Variants in PREPL observed in about 807,000 individuals in gnomAD.
The protein encoded by PREPL is prolyl endopeptidase like.
A neutral mutation model predicts 70.6 loss-of-function variants in PREPL; 77 were observed. That is an observed-to-expected ratio of 1.09 (90% confidence interval 0.91 to 1.32). PREPL has a LOEUF of 1.32. Ranked by LOEUF, PREPL falls within the 40% of genes most tolerant of loss-of-function variation. PREPL has a pLI of 0.00. For missense variants in PREPL, 1,002 were observed against 778.2 expected (o/e 1.29, Z -3.42); for synonymous variants, 315 against 264.8 (o/e 1.19, Z -1.84).
intron 5 of PREPL, among the ~76,000 whole-genome samples, chr2:44,341,482 C>T (rs533487759): frequency 6.6e-6 from 1 of 152,104 alleles, no homozygotes; most frequent in South Asian, 2.1e-4. Flanking sequence ...ACTTTCTTCG[C>T]TGTTTTTATA....
rs765064260 is a variant in PREPL, at chr2:44,318,718, A to G, written c.*2638T>C. The G allele has an allele frequency of 6.6e-6, 1 of 152,222 alleles. No individual in the cohort carries two copies. The highest frequency in any genetic ancestry group is 1.5e-5 in the Non-Finnish European group (1 of 68,032). The allele number at this position is 152,222 out of a possible 1,614,324, so 9.4% of individuals were successfully genotyped here. The stretch of plus-strand genomic sequence containing the variant: ...GAAAGGTGTTGAAGAAAACCTTTTT[A>G]TAGTATGTATTCTTGTAATTGAATA... On this transcript the variant is annotated 3_prime_UTR_variant, in exon 14 of 14. Transcript: ENST00000409411.
rs569391318 is a variant in PREPL at position 44,327,734 on chromosome 2, G to A, written c.1263-806C>T. ...AAAAATTAGCCAGGTGTGGTGGTGC[G>A]TGCCTATAAGCCCAACTACTCGGGA... On this transcript the variant is annotated intron_variant, in intron 9 of 13. Coordinates refer to ENST00000409411, the MANE Select transcript of PREPL (RefSeq NM_001171613.2). Among the ~76,000 whole-genome samples the A allele has an allele frequency of 1.0e-3, 156 of 151,774 alleles. 1 individual carries two copies. The highest frequency in any genetic ancestry group is 3.6e-3 in the African/African-American group (151 of 41,404).
At chr2:44,339,492 C>T in intron 5 of PREPL, 129 bp from the exon 6 acceptor site, 1 of 1,334,780 alleles carries the variant, frequency 7.5e-7, no homozygotes, top group South Asian at 1.7e-5. Context: ...TAAAATAATT[C>T]CTTAGTGAAT....
chr2:44,348,662 T>G (rs374915238), intron 1 of PREPL, among the ~76,000 whole-genome samples: 3 of 152,150 alleles, frequency 2.0e-5, no homozygotes, highest in African/African-American at 7.2e-5. Context: ...CTGTCATATA[T>G]CCAAATAAAC....
chr2:44,328,742 A>G (rs1673787818), intron 9 of PREPL, among the ~76,000 whole-genome samples, 195 bp downstream of exon 9: 1 of 152,216 alleles, frequency 6.6e-6, no homozygotes, highest in Admixed American at 6.5e-5. Flanking sequence ...CAAAAATCCT[A>G]AAAACCTATC....
chr2:44,321,189 A>G lies in PREPL; in HGVS notation c.*167T>C, dbSNP rs1221608242. ...CATGTGCATCAATGGAGAGAATAGT[A>G]TAAGCAAGTGAGATGTAGACTAAGC... On this transcript the variant is annotated 3_prime_UTR_variant, in exon 14 of 14. Coordinates refer to ENST00000409411, the MANE Select transcript of PREPL (RefSeq NM_001171613.2). The G allele has an allele frequency of 3.2e-6, 2 of 625,770 alleles. No individual in the cohort carries two copies. The highest frequency in any genetic ancestry group is 5.6e-5 in the East Asian group (2 of 35,498). 38.8% of individuals were successfully genotyped at this position (625,770 alleles called of 1,614,324 possible). A position where few individuals can be genotyped will look rare whatever the true frequency, so the allele number is the denominator to read the frequency against.
intron 1 of PREPL, among the ~76,000 whole-genome samples, chr2:44,348,553 TCTTA>T (rs1336062231): frequency 6.6e-6 from 1 of 152,152 alleles, no homozygotes; most frequent in Non-Finnish European, 1.5e-5. Context: ...AAATACTCAT[TCTTA>T]CTGAGAGTCA....
intron 1 of PREPL, among the ~76,000 whole-genome samples, chr2:44,352,763 A>G (rs1676586886): frequency 6.6e-6 from 1 of 152,218 alleles, no homozygotes; most frequent in Non-Finnish European, 1.5e-5. Context: ...TATTTAACAA[A>G]AGATATCACA....
chr2:44,342,093 A>T (rs1401799524), intron 5 of PREPL, among the ~76,000 whole-genome samples: 3 of 152,172 alleles, frequency 2.0e-5, no homozygotes, highest in Non-Finnish European at 4.4e-5. Flanking sequence ...ATCAATTAAG[A>T]TGCAAAGGTG....
intron 7 of PREPL, among the ~76,000 whole-genome samples, chr2:44,336,201 T>C (rs1674621623): frequency 1.3e-5 from 2 of 152,182 alleles, no homozygotes; most frequent in South Asian, 2.1e-4. Flanking sequence ...CATTATTGGA[T>C]ATATAACCAA....
intron 7 of PREPL, among the ~76,000 whole-genome samples, chr2:44,337,470 G>A (rs967535924): frequency 2.0e-5 from 3 of 152,126 alleles, no homozygotes; most frequent in African/African-American, 7.2e-5. Context: ...GCCCGATACA[G>A]TATTGTGCAC....
At chr2:44,349,920 G>C (rs1185332730) in intron 1 of PREPL, among the ~76,000 whole-genome samples, 1 of 152,100 alleles carries the variant, frequency 6.6e-6, no homozygotes, top group African/African-American at 2.4e-5. Flanking sequence ...AGCTATATAA[G>C]TCACTAACTC....
Position 44,321,094 on chromosome 2 carries a change from C to T in PREPL, c.*262G>A. 1 of 444,426 alleles carries T rather than the reference C, an allele frequency of 2.3e-6. No individual in the cohort carries two copies. The highest frequency in any genetic ancestry group is 2.8e-5 in the South Asian group (1 of 36,158). 27.5% of individuals were successfully genotyped at this position (444,426 alleles called of 1,614,324 possible). ...GGCCTGGAGCTCTGCTATCACCAAT[C>T]CTTCCCTTCCCTCTACTCCACATCC... On this transcript the variant is annotated 3_prime_UTR_variant, in exon 14 of 14. Coordinates refer to ENST00000409411, the MANE Select transcript of PREPL (RefSeq NM_001171613.2).
chr2:44,332,429 G>T (rs1260109053), intron 8 of PREPL, 30 bp downstream of exon 8: 1 of 1,556,890 alleles, frequency 6.4e-7, no homozygotes, highest in East Asian at 2.2e-5. Flanking sequence ...TCAGTAAATG[G>T]GAGCTGAAAG....
rs180687458 is a variant in PREPL at position 44,352,438 on chromosome 2, T to G, written c.-48-6048A>C. 5.9e-5 allele frequency among the ~76,000 whole-genome samples: 9 copies of G among 152,228 alleles called. No homozygotes were observed. In the East Asian group the frequency reaches 1.7e-3, roughly 29 times the overall value. The stretch of plus-strand genomic sequence containing the variant: ...CACCATGCCCAGCTAATTTTTGCAT[T>G]GTTTGTAGAGACAGGGTTTTGCCAT... On this transcript the variant is annotated intron_variant, in intron 1 of 13. Transcript: ENST00000409411.
chr2:44,349,599 T>A (rs1403801831), intron 1 of PREPL, among the ~76,000 whole-genome samples: 1 of 152,036 alleles, frequency 6.6e-6, no homozygotes, highest in Non-Finnish European at 1.5e-5. Context: ...ACAAAGAAAC[T>A]AAAGAGAATC....
At chr2:44,342,607 A>AC in intron 4 of PREPL, 55 bp from the exon 5 acceptor site, 1 of 1,395,562 alleles carries the variant, frequency 7.2e-7, no homozygotes, top group South Asian at 1.3e-5. Context: ...CATTAAAAAA[A>AC]AAAAAAAAGC....
intron 1 of PREPL, among the ~76,000 whole-genome samples, chr2:44,350,717 C>A (rs938057250): frequency 6.6e-6 from 1 of 152,158 alleles, no homozygotes; most frequent in African/African-American, 2.4e-5. Context: ...CAGACTTTTG[C>A]TCTTCTTATG....
rs764447835 is a variant in PREPL, at chr2:44,332,512, C to T, written c.1033G>A (p.Glu345Lys). 6.2e-7 allele frequency: 1 copy of T among 1,614,158 alleles called. No homozygotes were observed. The highest frequency in any genetic ancestry group is 2.2e-5 in the East Asian group (1 of 44,866). Residue 345 changes from glutamate (E) to lysine (K), a missense_variant, in exon 8 of 14, where the codon GAA (glutamate) becomes AAA (lysine). Physicochemically the swap from Glu to Lys is moderately conservative, Grantham distance 56 (BLOSUM62 1). Coordinates refer to ENST00000409411, the MANE Select transcript of PREPL (RefSeq NM_001171613.2). Reference sequence around the variant, plus strand: ...CGACTAGTCTTTGTGATTGGGTCTTCATGCCCAGTTTCCTCAAACAGTTTG... The same window carrying T: ...CGACTAGTCTTTGTGATTGGGTCTTTATGCCCAGTTTCCTCAAACAGTTTG... The part of the protein sequence containing the change: ...EGKLFEETGH[E>K]DPITKTSRVL...
Sources: allele counts gnomAD v4.1 joint callset (sites outside exome capture counted in the v4.1 genomes callset), GRCh38; gene constraint gnomAD v4.1.1; transcripts MANE v1.5; gene names NCBI Gene and HGNC (gene_info 2026-07-23, HGNC 2026-07-21).